Variants in ERC2 observed in about 807,000 individuals in gnomAD.
ERC2 encodes ERC protein 2.
In ERC2, 42 loss-of-function variants were observed where a neutral mutation model predicts 114.8. That is an observed-to-expected ratio of 0.37 (90% CI 0.29 to 0.47). ERC2 has a LOEUF of 0.47. ERC2 is among the 20% of genes least tolerant of loss of function. The pLI is 0.99. For synonymous variants in ERC2, 454 were observed against 425.5 expected (o/e 1.07, Z -0.82); for missense variants, 939 against 1,150.7 (o/e 0.82, Z 2.66).
chr3:56,149,021 G>T lies in ERC2; in HGVS notation c.1261C>A (p.Gln421Lys), dbSNP rs963546687. Reference protein sequence around the residue: ...NTEDREEEIKQIEVYKSHSKF... With the variant: ...NTEDREEEIKKIEVYKSHSKF... The stretch of plus-strand genomic sequence containing the variant: ...GAGTGACTTTTGTAAACCTCAATTT[G>T]TTTGATCTCTTCTTCGCGGTCCTCA... The change falls in exon 5 of 18, where the codon CAA (glutamine) becomes AAA (lysine). Residue 421 changes from glutamine to lysine, a missense_variant. By Grantham distance (53) the Gln-to-Lys change is moderately conservative. This residue lies in a region of ERC2 where 148 missense variants were observed against 159.1 expected (regional missense o/e 0.93). Transcript: ENST00000288221. 1 of 1,613,298 alleles carries T rather than the reference G, an allele frequency of 6.2e-7. No individual in the cohort carries two copies. Among genetic ancestry groups the T allele is most frequent in the African/African-American group, 1.3e-5 (1 of 74,986 alleles).
chr3:55,746,087 T>G (rs984700368), intron 14 of ERC2, among the ~76,000 whole-genome samples: 1 of 152,220 alleles, frequency 6.6e-6, no homozygotes, highest in Non-Finnish European at 1.5e-5. Context: ...TATGTTTACA[T>G]GGAATAGAAC....
chr3:56,072,167 G>C (rs939577662), intron 7 of ERC2: 76 of 158,924 alleles, frequency 4.8e-4, no homozygotes, highest in African/African-American at 1.8e-3. Flanking sequence ...TGATTCGGCT[G>C]ATCTGGCTGG....
chr3:55,842,030 T>A (rs770936013), intron 14 of ERC2, among the ~76,000 whole-genome samples: 4 of 152,220 alleles, frequency 2.6e-5, no homozygotes, highest in Non-Finnish European at 5.9e-5. Context: ...TCAGTTTTCA[T>A]GTAACCAACA....
intron 14 of ERC2, among the ~76,000 whole-genome samples, chr3:55,843,532 G>A (rs2061226009): frequency 6.6e-6 from 1 of 152,230 alleles, no homozygotes; most frequent in South Asian, 2.1e-4. Flanking sequence ...AGTTCAAGAA[G>A]AGATCAAAAG....
At chr3:55,722,115 T>C (rs2148888732) in intron 15 of ERC2, among the ~76,000 whole-genome samples, 1 of 152,274 alleles carries the variant, frequency 6.6e-6, no homozygotes, top group Middle Eastern at 3.4e-3. Context: ...CCAATTCCAT[T>C]CCCAGGCTGT....
chr3:56,299,452 A>G (rs1365143313), intron 2 of ERC2, among the ~76,000 whole-genome samples: 4 of 136,688 alleles, frequency 2.9e-5, no homozygotes, highest in Non-Finnish European at 6.2e-5. Context: ...TTTTTTTGAG[A>G]CAGAGTCTCA....
chr3:56,362,692 T>C (rs1490537485), intron 2 of ERC2, among the ~76,000 whole-genome samples: 1 of 152,170 alleles, frequency 6.6e-6, no homozygotes, highest in Non-Finnish European at 1.5e-5. Context: ...AACAATTACA[T>C]ACAAGCCTAT....
chr3:55,693,130 T>C (rs2062748777), intron 16 of ERC2, among the ~76,000 whole-genome samples: 1 of 152,222 alleles, frequency 6.6e-6, no homozygotes, highest in Non-Finnish European at 1.5e-5. Context: ...GATTACTATT[T>C]ATATCCACAG....
chr3:56,010,429 A>AT lies in ERC2; in HGVS notation c.1920+19dup. ...TTTATGAGGACTATCAATGTGGTTC[A>AT]TTTGTTTTTCCAGACTCACCTCTTT... On this transcript the variant is annotated intron_variant, in intron 9 of 17. Transcript: ENST00000288221. 1 of 1,610,852 alleles carries AT rather than the reference A, an allele frequency of 6.2e-7. No individual in the cohort carries two copies. Among genetic ancestry groups the AT allele is most frequent in the Non-Finnish European group, 8.5e-7 (1 of 1,178,728 alleles).
At chr3:55,597,142 C>T (rs536592847) in intron 17 of ERC2, among the ~76,000 whole-genome samples, 4 of 152,118 alleles carry the variant, frequency 2.6e-5, no homozygotes, top group Admixed American at 1.3e-4. Flanking sequence ...ATGATTTGGC[C>T]GGGCGCGGTG....
intron 16 of ERC2, among the ~76,000 whole-genome samples, chr3:55,685,066 T>C (rs1472607643): frequency 2.0e-5 from 3 of 152,230 alleles, no homozygotes; most frequent in Admixed American, 6.5e-5. Flanking sequence ...ATCCGGCCAA[T>C]AGGCCTAGTC....
At chr3:56,385,838 T>G (rs17235557) in intron 2 of ERC2, among the ~76,000 whole-genome samples, 1 of 152,004 alleles carries the variant, frequency 6.6e-6, no homozygotes, top group African/African-American at 2.4e-5. Flanking sequence ...ACACCAAGGC[T>G]GGAGAACTAC....
intron 13 of ERC2, among the ~76,000 whole-genome samples, chr3:55,927,864 C>A (rs966229160): frequency 1.7e-4 from 26 of 152,142 alleles, no homozygotes; most frequent in African/African-American, 5.6e-4. Flanking sequence ...AGAAGTTGGT[C>A]TTTCTGTGCC....
intron 6 of ERC2, among the ~76,000 whole-genome samples, chr3:56,125,846 A>G (rs575653356): frequency 3.1e-4 from 47 of 152,366 alleles, no homozygotes; most frequent in African/African-American, 1.0e-3. Flanking sequence ...TGAAGTCCCA[A>G]GGTAGGTGGG....
chr3:55,638,600 G>C (rs925439680), intron 17 of ERC2, among the ~76,000 whole-genome samples: 6 of 152,188 alleles, frequency 3.9e-5, no homozygotes, highest in African/African-American at 1.4e-4. Context: ...TCACGTTAGA[G>C]TCTGTAGTCT....
intron 17 of ERC2, among the ~76,000 whole-genome samples, chr3:55,549,450 C>G: frequency 6.6e-6 from 1 of 151,506 alleles, no homozygotes; most frequent in East Asian, 1.9e-4. Context: ...AATATGGAAA[C>G]CAGATGCGGA....
intron 2 of ERC2, among the ~76,000 whole-genome samples, chr3:56,414,657 G>A (rs568306941): frequency 2.0e-5 from 3 of 151,738 alleles, no homozygotes; most frequent in African/African-American, 7.3e-5. Flanking sequence ...CCTGGGTGGC[G>A]GAGGTTGCAG....
chr3:56,016,433 T>TC (rs2149585399), intron 8 of ERC2, among the ~76,000 whole-genome samples: 2 of 151,138 alleles, frequency 1.3e-5, no homozygotes, highest in Non-Finnish European at 3.0e-5. Context: ...TTTTCTTTTT[T>TC]TTTTTTTAAT....
intron 1 of ERC2, among the ~76,000 whole-genome samples, chr3:56,452,722 A>G (rs540486007): frequency 3.3e-5 from 5 of 152,342 alleles, no homozygotes; most frequent in African/African-American, 7.2e-5. Context: ...CACATTTATT[A>G]TCTGTTTAAC....
Sources: allele counts gnomAD v4.1 joint callset (sites outside exome capture counted in the v4.1 genomes callset), GRCh38; gene constraint gnomAD v4.1.1; regional missense constraint gnomAD v4.1.1; transcripts MANE v1.5; gene names NCBI Gene and HGNC (gene_info 2026-07-23, HGNC 2026-07-21).